Variants in CDH7 observed in about 807,000 individuals in gnomAD.
CDH7 encodes cadherin-7.
CDH7 carries 25 observed loss-of-function variants against 71.8 expected under a neutral mutation model. The observed-to-expected ratio is 0.35, with a 90% CI of 0.25 to 0.49. CDH7 has a LOEUF of 0.49. CDH7 is among the 20% of genes least tolerant of loss of function. CDH7 has a pLI of 0.99. For missense variants in CDH7, 862 were observed against 974.6 expected, an observed-to-expected ratio of 0.88 and a Z score of 1.54; for synonymous variants, 381 against 363.8, an observed-to-expected ratio of 1.05 and a Z score of -0.54.
chr18:65,813,966 G>A (rs1911634140), intron 3 of CDH7, among the ~76,000 whole-genome samples: 1 of 152,102 alleles, frequency 6.6e-6, no homozygotes, highest in South Asian at 2.1e-4. Flanking sequence ...AGGAGATAGG[G>A]TAGCCACCTA....
chr18:65,864,808 G>A (rs1301991128), intron 11 of CDH7, among the ~76,000 whole-genome samples: 1 of 150,178 alleles, frequency 6.7e-6, no homozygotes, highest in African/African-American at 2.5e-5. Context: ...GGAGAATGGC[G>A]TGAACCCAGG....
chr18:65,760,991 CT>C (rs1916174615), intron 1 of CDH7, among the ~76,000 whole-genome samples: 1 of 152,120 alleles, frequency 6.6e-6, no homozygotes, highest in Admixed American at 6.5e-5. Context: ...GTTACTTGTT[CT>C]TTATAAGTCA....
intron 2 of CDH7, among the ~76,000 whole-genome samples, chr18:65,792,185 CTT>C (rs71167149): frequency 0.013 from 1,404 of 104,006 alleles, 24 homozygotes; most frequent in African/African-American, 0.046. Context: ...TGCAGCCAGT[CTT>C]TTTTTTTTTT....
chr18:65,774,063 G>A (rs1396348341), intron 2 of CDH7, among the ~76,000 whole-genome samples: 2 of 152,026 alleles, frequency 1.3e-5, no homozygotes, highest in South Asian at 2.1e-4. Flanking sequence ...ATGAAGGTCA[G>A]CATTGAACCT....
At chr18:65,778,974 G>T (rs1910070559) in intron 2 of CDH7, among the ~76,000 whole-genome samples, 1 of 151,320 alleles carries the variant, frequency 6.6e-6, no homozygotes, top group Non-Finnish European at 1.5e-5. Context: ...AGGATTGTTT[G>T]AATTTTCAAG....
chr18:65,872,121 G>T lies in CDH7; in HGVS notation c.1865-8280G>T, dbSNP rs569841197. ...TTTTCTTTTAAACTCGCTGCAAGCA[G>T]CTGCATTGTTTACTATTGAGTAAGT... On this transcript the variant is annotated intron_variant, in intron 11 of 11. Coordinates refer to ENST00000397968, the MANE Select transcript of CDH7 (RefSeq NM_004361.5). Among the ~76,000 whole-genome samples, 36 of 152,288 alleles carry T rather than the reference G, an allele frequency of 2.4e-4. No individual in the cohort carries two copies. The East Asian group carries it at 6.4e-3, about 27-fold the overall frequency.
intron 2 of CDH7, among the ~76,000 whole-genome samples, chr18:65,784,435 G>C (rs190099567): frequency 4.3e-4 from 66 of 152,230 alleles, no homozygotes; most frequent in Admixed American, 4.3e-3. Flanking sequence ...GAAAAGGCCA[G>C]CGTGGCTAGT....
chr18:65,875,400 C>A (rs557326103), intron 11 of CDH7, among the ~76,000 whole-genome samples: 1 of 152,146 alleles, frequency 6.6e-6, no homozygotes, highest in Non-Finnish European at 1.5e-5. Context: ...CAGTAGAAAT[C>A]ATTTTCCAGT....
chr18:65,821,470 G>A (rs1213349936), intron 4 of CDH7, among the ~76,000 whole-genome samples: 2 of 152,016 alleles, frequency 1.3e-5, no homozygotes, highest in Non-Finnish European at 2.9e-5. Flanking sequence ...CGTGACAATA[G>A]CATCCAACTA....
intron 2 of CDH7, among the ~76,000 whole-genome samples, chr18:65,794,538 C>T (rs973109073): frequency 2.0e-5 from 3 of 150,524 alleles, no homozygotes; most frequent in African/African-American, 4.9e-5. Flanking sequence ...GGAGATGGAA[C>T]ATTGTGAATT....
chr18:65,796,174 T>C (rs1457141931), intron 2 of CDH7, among the ~76,000 whole-genome samples: 5 of 152,232 alleles, frequency 3.3e-5, no homozygotes, highest in South Asian at 4.2e-4. Context: ...TAGTTTCTTC[T>C]GTTGAATTAT....
intron 6 of CDH7, among the ~76,000 whole-genome samples, chr18:65,831,972 C>T (rs1437687497): frequency 3.9e-5 from 6 of 152,104 alleles, no homozygotes; most frequent in African/African-American, 1.4e-4. Flanking sequence ...TACAACCAGA[C>T]ATTGCTCAGA....
At chr18:65,828,910 G>A (rs1912230583) in intron 6 of CDH7, among the ~76,000 whole-genome samples, 1 of 152,012 alleles carries the variant, frequency 6.6e-6, no homozygotes, top group Non-Finnish European at 1.5e-5. Context: ...CTCTTTCTAT[G>A]AACTTCAAAG....
At chr18:65,763,792 A>G (rs563188840) in intron 2 of CDH7, among the ~76,000 whole-genome samples, 5 of 152,174 alleles carry the variant, frequency 3.3e-5, no homozygotes, top group Admixed American at 2.0e-4. Context: ...CTTCTGTCTT[A>G]ATATTTGAGA....
intron 1 of CDH7, among the ~76,000 whole-genome samples, chr18:65,755,883 C>T (rs1916014440): frequency 1.3e-5 from 2 of 152,212 alleles, no homozygotes; most frequent in African/African-American, 2.4e-5. Flanking sequence ...GATGAATCAG[C>T]AGGCAGTCTC....
chr18:65,863,784 A>G (rs901318651), intron 11 of CDH7: 5 of 152,222 alleles, frequency 3.3e-5, no homozygotes, highest in Non-Finnish European at 5.9e-5. Flanking sequence ...AATTAAATTT[A>G]TAACTCATAT....
intron 11 of CDH7, 128 bp from the exon 12 acceptor site, chr18:65,880,273 A>T: frequency 2.3e-6 from 2 of 885,216 alleles, no homozygotes; most frequent in Non-Finnish European, 3.3e-6. Flanking sequence ...TTGTGGAAGT[A>T]GGTGGCCAAT....
At chr18:65,870,905 C>A (rs1472334135) in intron 11 of CDH7, among the ~76,000 whole-genome samples, 1 of 152,166 alleles carries the variant, frequency 6.6e-6, no homozygotes, top group Non-Finnish European at 1.5e-5. Context: ...CTGTCAAAGG[C>A]ACATATAGAG....
chr18:65,814,243 A>AT (rs35891149), intron 3 of CDH7, among the ~76,000 whole-genome samples: 43 of 150,608 alleles, frequency 2.9e-4, no homozygotes, highest in African/African-American at 1.0e-3. Flanking sequence ...CATCGATGGT[A>AT]TTTTTTTTTT....
Sources: allele counts gnomAD v4.1 joint callset (sites outside exome capture counted in the v4.1 genomes callset), GRCh38; gene constraint gnomAD v4.1.1; transcripts MANE v1.5; gene names NCBI Gene and HGNC (gene_info 2026-07-23, HGNC 2026-07-21).